Variants in ARHGAP24 observed in about 807,000 individuals in gnomAD.
ARHGAP24 encodes rho GTPase-activating protein 24.
Under a neutral mutation model 76.4 loss-of-function variants are expected in ARHGAP24, and 50 were observed. That is an observed-to-expected ratio of 0.65 (90% CI 0.52 to 0.83). ARHGAP24 has a LOEUF of 0.83. ARHGAP24 is among the 40% of genes least tolerant of loss of function. The probability of loss-of-function intolerance (pLI) is 0.00; values close to 1 mark genes in which losing one functional copy is unlikely to be tolerated. For synonymous variants in ARHGAP24, 345 were observed against 323.3 expected, an observed-to-expected ratio of 1.07 and a Z score of -0.72; for missense variants, 930 against 914.2, an observed-to-expected ratio of 1.02 and a Z score of -0.22.
chr4:85,700,403 AAAAATAAATAAATAAAG>A (rs1560591680), intron 2 of ARHGAP24, among the ~76,000 whole-genome samples: 1 of 84,900 alleles, frequency 1.2e-5, no homozygotes, highest in Non-Finnish European at 3.8e-5. Flanking sequence ...CTAAAAAAAA[AAAAATAAATAAATAAAG>A]AAGAAGAAGA....
At chr4:85,979,106 GC>G (rs1739495404) in intron 8 of ARHGAP24, among the ~76,000 whole-genome samples, 1 of 151,968 alleles carries the variant, frequency 6.6e-6, no homozygotes, top group Non-Finnish European at 1.5e-5. Flanking sequence ...ATATTTCTCT[GC>G]CCTCTGCATT....
intron 2 of ARHGAP24, among the ~76,000 whole-genome samples, chr4:85,627,012 TG>T (rs1333784644): frequency 2.0e-5 from 3 of 152,188 alleles, no homozygotes; most frequent in Non-Finnish European, 2.9e-5. Flanking sequence ...TCTTTGCCAT[TG>T]GTTCGAATTT....
At chr4:85,615,769 A>G (rs1374593067) in intron 2 of ARHGAP24, among the ~76,000 whole-genome samples, 1 of 152,176 alleles carries the variant, frequency 6.6e-6, no homozygotes, top group Admixed American at 6.5e-5. Flanking sequence ...CCCACAAGGG[A>G]TAAGTGGAAA....
At chr4:85,487,839 T>C (rs1723178240) in intron 1 of ARHGAP24, among the ~76,000 whole-genome samples, 1 of 122,904 alleles carries the variant, frequency 8.1e-6, no homozygotes, top group South Asian at 2.2e-4. Context: ...TTACATATTA[T>C]ATAAATATAT....
At chr4:85,527,233 T>C (rs1725044607) in intron 1 of ARHGAP24, among the ~76,000 whole-genome samples, 1 of 152,188 alleles carries the variant, frequency 6.6e-6, no homozygotes. Context: ...TAAAAAGTAA[T>C]GTTGCATTTC....
rs900664823 is a variant in ARHGAP24, at chr4:85,974,962, G to A, written c.806+1G>A. 1 of 1,613,000 alleles carries A rather than the reference G, an allele frequency of 6.2e-7. No homozygotes were observed. On this transcript the variant is annotated splice_donor_variant, in intron 7 of 9. Transcript: ENST00000395184. LOFTEE classifies it high-confidence loss of function. ...ACAACCTCCTCAAGTATATTTGCAG[G>A]TAAGAACTGTCCTAAGGACAAACGT...
intron 2 of ARHGAP24, among the ~76,000 whole-genome samples, chr4:85,697,901 T>C (rs1414250931): frequency 1.3e-5 from 2 of 152,222 alleles, no homozygotes; most frequent in African/African-American, 4.8e-5. Context: ...GGGCACCCAA[T>C]TTGAAAAAGC....
At chr4:85,580,537 C>T (rs1727565251) in intron 2 of ARHGAP24, among the ~76,000 whole-genome samples, 1 of 152,108 alleles carries the variant, frequency 6.6e-6, no homozygotes, top group African/African-American at 2.4e-5. Flanking sequence ...TACATGGTTG[C>T]CATGACAAAT....
At chr4:85,778,839 A>T (rs1048336310) in intron 3 of ARHGAP24, 6 of 985,358 alleles carry the variant, frequency 6.1e-6, no homozygotes, top group Non-Finnish European at 7.2e-6. Context: ...GTGTCCAAAC[A>T]GCATTTTCCA....
At chr4:85,884,413 A>G (rs1733441162) in intron 3 of ARHGAP24, among the ~76,000 whole-genome samples, 1 of 152,164 alleles carries the variant, frequency 6.6e-6, no homozygotes, top group Non-Finnish European at 1.5e-5. Context: ...CTTTGTTGTG[A>G]GGGGACAAGG....
intron 3 of ARHGAP24, among the ~76,000 whole-genome samples, chr4:85,823,071 C>G (rs973652030): frequency 6.6e-6 from 1 of 152,164 alleles, no homozygotes; most frequent in Non-Finnish European, 1.5e-5. Context: ...TTATTATGAA[C>G]TAGAGTTACT....
At chr4:85,624,358 C>G (rs979343268) in intron 2 of ARHGAP24, among the ~76,000 whole-genome samples, 1 of 151,982 alleles carries the variant, frequency 6.6e-6, no homozygotes, top group African/African-American at 2.4e-5. Context: ...TGGTTTTTAT[C>G]TTTGGTTCTG....
intron 3 of ARHGAP24, among the ~76,000 whole-genome samples, chr4:85,869,915 C>A (rs1426553916): frequency 6.6e-6 from 1 of 152,146 alleles, no homozygotes; most frequent in Non-Finnish European, 1.5e-5. Flanking sequence ...GCTATGCATC[C>A]ACACTGCCTC....
intron 3 of ARHGAP24, among the ~76,000 whole-genome samples, chr4:85,772,364 G>T (rs919760105): frequency 2.4e-4 from 36 of 151,972 alleles, no homozygotes; most frequent in Non-Finnish European, 5.0e-4. Context: ...ATCCACAGGG[G>T]GTATAAAATA....
chr4:85,598,805 T>C (rs1470855850), intron 2 of ARHGAP24, among the ~76,000 whole-genome samples: 1 of 151,010 alleles, frequency 6.6e-6, no homozygotes, highest in Admixed American at 6.6e-5. Flanking sequence ...TGAAAAAAAC[T>C]ATCTAACTCA....
At position 85,994,999 on chromosome 4, in the gene ARHGAP24, A is replaced by T. The variant is rs1350486175; in HGVS notation, c.1345A>T (p.Thr449Ser). ...CAGTAATGCAGAAGGTCTTGAGAAAACCCAAACCACCCCCAATGGGAGCCT... is the reference window on the plus strand; with the variant it reads ...CAGTAATGCAGAAGGTCTTGAGAAATCCCAAACCACCCCCAATGGGAGCCT... ...SSSNAEGLEKTQTTPNGSLQA... is the reference protein window; with the variant it reads ...SSSNAEGLEKSQTTPNGSLQA... The change falls in exon 9 of 10, where the codon ACC becomes TCC. Residue 449 changes from threonine to serine, a missense_variant. Transcript: ENST00000395184. The T allele has an allele frequency of 6.2e-7, 1 of 1,613,734 alleles. No individual in the cohort carries two copies. The highest frequency in any genetic ancestry group is 1.7e-5 in the Admixed American group (1 of 59,984).
At chr4:85,810,627 A>G (rs567147529) in intron 3 of ARHGAP24, among the ~76,000 whole-genome samples, 4 of 152,248 alleles carry the variant, frequency 2.6e-5, no homozygotes, top group Non-Finnish European at 4.4e-5. Context: ...CAAATGTCTC[A>G]TCTATTCTAG....
At chr4:85,752,620 A>T (rs927074109) in intron 3 of ARHGAP24, among the ~76,000 whole-genome samples, 1 of 152,202 alleles carries the variant, frequency 6.6e-6, no homozygotes, top group Non-Finnish European at 1.5e-5. Flanking sequence ...AGGGAGCACC[A>T]CAGGAGCTGG....
At chr4:85,884,596 G>A (rs1357090177) in intron 3 of ARHGAP24, among the ~76,000 whole-genome samples, 1 of 152,084 alleles carries the variant, frequency 6.6e-6, no homozygotes, top group Non-Finnish European at 1.5e-5. Flanking sequence ...GCTTTCCTCT[G>A]GGGGTCTATA....
Sources: gnomAD v4.1 joint callset for allele counts (sites outside exome capture counted in the v4.1 genomes callset) on GRCh38, gnomAD v4.1.1 for gene constraint, MANE v1.5 for transcripts, NCBI Gene and HGNC (gene_info 2026-07-23, HGNC 2026-07-21) for gene names.